BSX: variants seen among roughly 807,000 people sequenced by gnomAD.
BSX encodes brain-specific homeobox protein homolog.
Under a neutral mutation model 16.9 loss-of-function variants are expected in BSX, and 12 were observed. The observed-to-expected ratio is 0.71, with a 90% CI of 0.46 to 1.15. The LOEUF is 1.15. Among genes scored for constraint, BSX ranks in the 50% most tolerant of loss-of-function variants. The pLI is 0.00. For synonymous variants in BSX, 160 were observed against 136.4 expected (o/e 1.17, Z -1.20); for missense variants, 292 against 311.8 (o/e 0.94, Z 0.48).
chr11:122,981,503 G>A lies in BSX; in HGVS notation c.169C>T (p.Pro57Ser), dbSNP rs772352727. The A allele has an allele frequency of 1.9e-6, 3 of 1,590,652 alleles. No homozygotes were observed. Among genetic ancestry groups the A allele is most frequent in the South Asian group, 1.1e-5 (1 of 87,166 alleles). The change falls in exon 1 of 3, where the codon CCC (proline) becomes TCC (serine). Residue 57 changes from proline (P) to serine (S), a missense_variant. This residue lies in a region of BSX where 176 missense variants were observed against 187.2 expected (regional missense o/e 0.94). Transcript: ENST00000343035. ...AAGAGGGTGGGTGTGGGCATGAGGG[G>A]GTAGCCATAGTCTAGCAGAGGCACC... ...SRVPLLDYGY[P>S]LMPTPTLLAP...
In BSX at chr11:122,981,471, A is replaced by G; in HGVS notation, c.201T>C (p.Pro67=). 5.1e-6 allele frequency: 8 copies of G among 1,577,020 alleles called. No homozygotes were observed. The highest frequency in any genetic ancestry group is 6.9e-6 in the Non-Finnish European group (8 of 1,160,928). The part of the protein sequence containing the change: ...PLMPTPTLLA[P]HAHHPLHKGD... ...CCTTATGCAGAGGGTGATGGGCGTGAGGAGCCAAGAGGGTGGGTGTGGGCA... is the reference window on the plus strand; with the variant it reads ...CCTTATGCAGAGGGTGATGGGCGTGGGGAGCCAAGAGGGTGGGTGTGGGCA... Residue 67 remains proline (P), a synonymous_variant, in exon 1 of 3, where the codon CCT becomes CCC. Transcript: ENST00000343035.
Position 122,981,811 on chromosome 11 carries a change from CG to C in BSX, c.-141del. The C allele has an allele frequency of 1.1e-6, 1 of 904,894 alleles. No individual in the cohort carries two copies. Among genetic ancestry groups the C allele is most frequent in the Non-Finnish European group, 1.6e-6 (1 of 620,670 alleles). The allele number at this position is 904,894 out of a possible 1,614,324, so 56.1% of individuals were successfully genotyped here. A position where few individuals can be genotyped will look rare whatever the true frequency, so the allele number is the denominator to read the frequency against. On this transcript the variant is annotated 5_prime_UTR_variant, in exon 1 of 3. Transcript: ENST00000343035. Reference sequence around the variant, plus strand: ...GCTCTCTCCCGGGCCTGGGCTACCCCGGGCGCTGGAGAGGCAAGAAGACAAG... The same window carrying C: ...GCTCTCTCCCGGGCCTGGGCTACCCCGGCGCTGGAGAGGCAAGAAGACAAG...
In BSX at chr11:122,979,398, A is replaced by T; in HGVS notation, c.322T>A (p.Cys108Ser). ...PQHAELPGKH[C>S]RRRKARTVFS... ...ACCGTGCGGGCTTTGCGGCGGCGGC[A>T]GTGCTTCCCCGGCAGCTCCGCGTGC... The change falls in exon 2 of 3, where the codon TGC becomes AGC. Residue 108 changes from cysteine to serine, a missense_variant. By Grantham distance (112) the Cys-to-Ser change is moderately radical (BLOSUM62 -1). Around this residue, in one of 3 missense-constraint regions of BSX, gnomAD observed 176 missense variants for 187.2 expected, o/e 0.94. Transcript: ENST00000343035. The T allele has an allele frequency of 6.2e-7, 1 of 1,614,002 alleles. No homozygotes were observed. The highest frequency in any genetic ancestry group is 8.5e-7 in the Non-Finnish European group (1 of 1,179,984).
At chr11:122,978,795 C>CTTTTTTTTTTTTTTTTTTTT (rs35567142) in intron 2 of BSX, among the ~76,000 whole-genome samples, 1 of 64,776 alleles carries the variant, frequency 1.5e-5, no homozygotes, top group African/African-American at 5.5e-5. Context: ...TTTTTCTTTT[C>CTTTTTTTTTTTTTTTTTTTT]TTTTTTTTTT....
chr11:122,978,803 T>C (rs1045174647), intron 2 of BSX, among the ~76,000 whole-genome samples: 8,907 of 117,146 alleles, frequency 0.076, 420 homozygotes, highest in African/African-American at 0.097. Flanking sequence ...TTCTTTTTTT[T>C]TTTTTTTTTT....
rs574667710 is a variant in BSX, at chr11:122,977,820, T to C, written c.531A>G (p.Lys177=). 1.2e-6 allele frequency: 2 copies of C among 1,614,010 alleles called. No homozygotes were observed. The highest frequency in any genetic ancestry group is 8.5e-7 in the Non-Finnish European group (1 of 1,179,922). ...KQLRKSQDEP[K]APDGPESPEG... ...CGGGGCTTTCTGGCCCGTCTGGTGCTTTGGGTTCGTCTTGGCTTTTCCGCA... is the reference window on the plus strand; with the variant it reads ...CGGGGCTTTCTGGCCCGTCTGGTGCCTTGGGTTCGTCTTGGCTTTTCCGCA... Residue 177 remains lysine, a synonymous_variant, in exon 3 of 3, where the codon AAA becomes AAG. Coordinates refer to ENST00000343035, the MANE Select transcript of BSX (RefSeq NM_001098169.2). The surrounding 1 kb of genome is among the most constrained non-coding windows in gnomAD (Gnocchi z 4.5).
chr11:122,980,221 G>A (rs576478334), intron 1 of BSX, among the ~76,000 whole-genome samples: 14 of 152,272 alleles, frequency 9.2e-5, no homozygotes, highest in Middle Eastern at 6.8e-3. Flanking sequence ...GGTCCGGGGA[G>A]ACTTGTCTTT....
chr11:122,979,265 G>A lies in BSX; in HGVS notation c.455C>T (p.Thr152Met), dbSNP rs762392801. 6.2e-7 allele frequency: 1 copy of A among 1,610,842 alleles called. No homozygotes were observed. Among genetic ancestry groups the A allele is most frequent in the Non-Finnish European group, 8.5e-7 (1 of 1,177,716 alleles). The change falls in exon 2 of 3, where the codon ACG becomes ATG. Residue 152 changes from threonine to methionine, a missense_variant. Coordinates refer to ENST00000343035, the MANE Select transcript of BSX (RefSeq NM_001098169.2). The stretch of plus-strand genomic sequence containing the variant: ...CCTCCCTCTCCTCCCGCCCACCTGC[G>A]TCTCGGACAGGCTGAGGGCCGTGGC... ...ELATALSLSE[T>M]QVKTWFQNRR...
At chr11:122,979,535 C>G (rs1864542962) in intron 1 of BSX, 78 bp from the exon 2 acceptor site, 1 of 1,344,882 alleles carries the variant, frequency 7.4e-7, no homozygotes. Context: ...CCTCCCCTCC[C>G]CTAGCCCCCA....
chr11:122,978,773 CT>C (rs915916951), intron 2 of BSX, among the ~76,000 whole-genome samples: 42 of 101,252 alleles, frequency 4.1e-4, no homozygotes, highest in South Asian at 3.8e-3. Flanking sequence ...GGTGTCGGTA[CT>C]TTTTTTTTTC....
intron 2 of BSX, among the ~76,000 whole-genome samples, chr11:122,978,544 A>G (rs12575781): frequency 0.021 from 3,166 of 151,890 alleles, 118 homozygotes; most frequent in East Asian, 0.16. Context: ...GGGGGAAAAA[A>G]TCTCCTTGTG....
chr11:122,980,264 C>A (rs1186272996), intron 1 of BSX, among the ~76,000 whole-genome samples: 8 of 152,052 alleles, frequency 5.3e-5, no homozygotes. Context: ...CTGTCTGAGA[C>A]GCACCAAGCA....
intron 1 of BSX, 132 bp from the exon 2 acceptor site, chr11:122,979,589 A>C: frequency 1.6e-6 from 1 of 635,656 alleles, no homozygotes; most frequent in Non-Finnish European, 2.6e-6. Context: ...GCTCGCCCCA[A>C]AGCCCCTCAA....
intron 1 of BSX, among the ~76,000 whole-genome samples, chr11:122,980,743 G>C (rs1191737500): frequency 6.6e-6 from 1 of 152,130 alleles, no homozygotes; most frequent in South Asian, 2.1e-4. Flanking sequence ...TTTAGCACCC[G>C]GCTCCAGCAA....
In BSX at chr11:122,977,903, G is replaced by T; in HGVS notation, c.460-12C>A. On this transcript the variant is annotated splice_polypyrimidine_tract_variant and intron_variant, in intron 2 of 2. Coordinates refer to ENST00000343035, the MANE Select transcript of BSX (RefSeq NM_001098169.2). This position sits in a 1 kb window ranked among gnomAD's most constrained non-coding sequence, Gnocchi z 4.5. ...AACCACGTTTTCACCTGATTTCGGGGAGATAAAAATAAAATCATGTCATTC... is the reference window on the plus strand; with the variant it reads ...AACCACGTTTTCACCTGATTTCGGGTAGATAAAAATAAAATCATGTCATTC... 1 of 1,612,888 alleles carries T rather than the reference G, an allele frequency of 6.2e-7. No individual in the cohort carries two copies. The highest frequency in any genetic ancestry group is 1.1e-5 in the South Asian group (1 of 91,030).
At chr11:122,978,852 C>T (rs1351591602) in intron 2 of BSX, among the ~76,000 whole-genome samples, 1 of 122,702 alleles carries the variant, frequency 8.1e-6, no homozygotes, top group Non-Finnish European at 1.6e-5. Context: ...GTCGCCCACG[C>T]TGGAGTGCAG....
chr11:122,978,790 C>T (rs1282856003), intron 2 of BSX, among the ~76,000 whole-genome samples: 62 of 71,928 alleles, frequency 8.6e-4, no homozygotes, highest in South Asian at 2.4e-3. Flanking sequence ...TTTTCTTTTT[C>T]TTTTCTTTTT....
At chr11:122,979,239 G>A (rs928724624) in intron 2 of BSX, 22 bp downstream of exon 2, 6 of 1,599,204 alleles carry the variant, frequency 3.8e-6, no homozygotes, top group Non-Finnish European at 3.4e-6. Context: ...AGAGATCAGG[G>A]CCTCCCTCTC....
Position 122,977,808 on chromosome 11 carries a change from C to A in BSX, c.543G>T (p.Gly181=), listed in dbSNP as rs1864516171. 1.2e-6 allele frequency: 2 copies of A among 1,614,010 alleles called. No homozygotes were observed. The highest frequency in any genetic ancestry group is 1.7e-6 in the Non-Finnish European group (2 of 1,179,920). Residue 181 remains glycine (G), a synonymous_variant, in exon 3 of 3, where the codon GGG becomes GGT. Coordinates refer to ENST00000343035, the MANE Select transcript of BSX (RefSeq NM_001098169.2). This position sits in a 1 kb window ranked among gnomAD's most constrained non-coding sequence, Gnocchi z 4.5. ...KSQDEPKAPD[G]PESPEGSPRG... Reference sequence around the variant, plus strand: ...GGGGGCTGCCCTCGGGGCTTTCTGGCCCGTCTGGTGCTTTGGGTTCGTCTT... The same window carrying A: ...GGGGGCTGCCCTCGGGGCTTTCTGGACCGTCTGGTGCTTTGGGTTCGTCTT...
Sources: gnomAD v4.1 joint callset for allele counts (sites outside exome capture counted in the v4.1 genomes callset) on GRCh38, gnomAD v4.1.1 for gene constraint, gnomAD v4.1.1 regional missense constraint, Gnocchi (gnomAD v3.1) non-coding constraint, MANE v1.5 for transcripts, NCBI Gene and HGNC (gene_info 2026-07-23, HGNC 2026-07-21) for gene names.